The following SPAST variants were observed in gnomAD, a reference collection of about 807,000 sequenced individuals.
SPAST encodes the protein spastic paraplegia 4 (autosomal dominant; spastin).
In SPAST, 30 loss-of-function variants were observed where a neutral mutation model predicts 76.6. That is an observed-to-expected ratio of 0.39 (90% CI 0.29 to 0.53). The LOEUF (loss-of-function observed/expected upper bound fraction) is 0.53. Ranked by LOEUF, SPAST falls within the 20% of genes least tolerant of loss-of-function variation. The pLI is 0.68. For synonymous variants in SPAST, 305 were observed against 281.0 expected, an observed-to-expected ratio of 1.09 and a Z score of -0.86; for missense variants, 717 against 770.5, an observed-to-expected ratio of 0.93 and a Z score of 0.82.
intron 4 of SPAST, among the ~76,000 whole-genome samples, chr2:32,105,833 CAG>C (rs1263915837): frequency 2.6e-5 from 4 of 152,128 alleles, no homozygotes; most frequent in Non-Finnish European, 4.4e-5. Context: ...CTTCGTCTGA[CAG>C]GGGTACCCAG....
At chr2:32,124,401 A>G (rs930338095) in intron 7 of SPAST, among the ~76,000 whole-genome samples, 2 of 152,192 alleles carry the variant, frequency 1.3e-5, no homozygotes, top group African/African-American at 4.8e-5. Context: ...AGCAGCAGAA[A>G]CTTTAATTCA....
At chr2:32,131,784 T>G (rs984219245) in intron 9 of SPAST, among the ~76,000 whole-genome samples, 1 of 146,622 alleles carries the variant, frequency 6.8e-6, no homozygotes, top group Non-Finnish European at 1.5e-5. Flanking sequence ...TGCCTTAGCC[T>G]GCTGAGTAGC....
At chr2:32,096,310 C>T (rs1363462886) in intron 3 of SPAST, among the ~76,000 whole-genome samples, 1 of 152,118 alleles carries the variant, frequency 6.6e-6, no homozygotes, top group Non-Finnish European at 1.5e-5. Context: ...GGGCACCCAC[C>T]TGTAATCCCA....
Position 32,089,414 on chromosome 2 carries a change from T to G in SPAST, c.503-108T>G, listed in dbSNP as rs2148710475. Reference sequence around the variant, plus strand: ...TTTCTTCTTTTTTTTAAAAAAAAATTTCTGTATAAAGACTGTGACTCCCCA... The same window carrying G: ...TTTCTTCTTTTTTTTAAAAAAAAATGTCTGTATAAAGACTGTGACTCCCCA... On this transcript the variant is annotated intron_variant, in intron 2 of 16. Coordinates refer to ENST00000315285, the MANE Select transcript of SPAST (RefSeq NM_014946.4). 4.6e-6 allele frequency: 3 copies of G among 647,446 alleles called. No homozygotes were observed. The East Asian group carries it at 8.7e-5, about 19-fold the overall frequency. The allele number at this position is 647,446 out of a possible 1,614,324, so 40.1% of individuals were successfully genotyped here. A position where few individuals can be genotyped will look rare whatever the true frequency, so the allele number is the denominator to read the frequency against.
At position 32,063,571 on chromosome 2, in the gene SPAST, A is replaced by T. The variant is rs1676366815; in HGVS notation, c.-261A>T. Reference sequence around the variant, plus strand: ...GTGCGCGTGCGCGGCCGCCGCTGGGAGCCACCAGGCGGCGGAGAGGACAGC... The same window carrying T: ...GTGCGCGTGCGCGGCCGCCGCTGGGTGCCACCAGGCGGCGGAGAGGACAGC... On this transcript the variant is annotated 5_prime_UTR_variant, in exon 1 of 17. Coordinates refer to ENST00000315285, the MANE Select transcript of SPAST (RefSeq NM_014946.4). The T allele has an allele frequency of 2.0e-6, 1 of 504,278 alleles. No homozygotes were observed. The highest frequency in any genetic ancestry group is 2.1e-5 in the African/African-American group (1 of 48,398). 31.2% of individuals were successfully genotyped at this position (504,278 alleles called of 1,614,324 possible). A position where few individuals can be genotyped will look rare whatever the true frequency, so the allele number is the denominator to read the frequency against.
At position 32,115,068 on chromosome 2, in the gene SPAST, C is replaced by A. The variant is rs112156381; in HGVS notation, c.870+243C>A. On this transcript the variant is annotated intron_variant, in intron 5 of 16. Transcript: ENST00000315285. ...GGTTCAAGCGATTCTCCTGCCTCAG[C>A]CTCCCAAGTAGCTGGGATTACAGGC... Among the ~76,000 whole-genome samples, 446 of 151,574 alleles carry A rather than the reference C, an allele frequency of 2.9e-3. 4 individuals are homozygous for A. Among genetic ancestry groups the A allele is most frequent in the African/African-American group, 0.01 (422 of 41,344 alleles).
intron 5 of SPAST, among the ~76,000 whole-genome samples, 192 bp downstream of exon 5, chr2:32,115,017 C>T (rs534054701): frequency 3.8e-4 from 54 of 141,256 alleles, no homozygotes; most frequent in Non-Finnish European, 6.3e-4. Flanking sequence ...GGCGCGATCT[C>T]GGCTCATTGC....
intron 12 of SPAST, 46 bp from the exon 13 acceptor site, chr2:32,141,858 T>G (rs1301818587): frequency 2.0e-6 from 3 of 1,513,984 alleles, no homozygotes; most frequent in Non-Finnish European, 2.7e-6. Context: ...GTTTCAGCTT[T>G]AAATTCAAAA....
Position 32,115,811 on chromosome 2 carries a change from T to A in SPAST, c.980T>A (p.Leu327His). ...AATGTGGACAGCAACCTTGCTAACC[T>A]TATAATGAATGAAATTGTGGACAAG... ...FRNVDSNLAN[L>H]IMNEIVDNGT... The change falls in exon 6 of 17, where the codon CTT becomes CAT. Residue 327 changes from leucine (L) to histidine (H), a missense_variant. Physicochemically the swap from Leu to His is moderately conservative, Grantham distance 99. This residue lies in a region of SPAST where 543 missense variants were observed against 445.2 expected (regional missense o/e 1.22). Transcript: ENST00000315285. 6.2e-7 allele frequency: 1 copy of A among 1,609,952 alleles called. No individual in the cohort carries two copies. Among genetic ancestry groups the A allele is most frequent in the Non-Finnish European group, 8.5e-7 (1 of 1,177,452 alleles).
chr2:32,073,373 C>T (rs983012890), intron 1 of SPAST, among the ~76,000 whole-genome samples: 2 of 152,134 alleles, frequency 1.3e-5, no homozygotes, highest in African/African-American at 2.4e-5. Context: ...CTAACACTTC[C>T]TGCCTCTTTT....
At chr2:32,138,440 T>C (rs1679613767) in intron 12 of SPAST, among the ~76,000 whole-genome samples, 1 of 152,220 alleles carries the variant, frequency 6.6e-6, no homozygotes, top group Non-Finnish European at 1.5e-5. Context: ...TGGTTAGTGA[T>C]GATGAGCATT....
chr2:32,149,958 C>G (rs985941251), intron 16 of SPAST, among the ~76,000 whole-genome samples: 4 of 150,160 alleles, frequency 2.7e-5, no homozygotes, highest in Admixed American at 2.0e-4. Flanking sequence ...CAAGTGTATT[C>G]AAGTACATTT....
rs1677627215 is a variant in SPAST, at chr2:32,089,526, A to G, written c.507A>G (p.Glu169=). 4 of 1,570,766 alleles carry G rather than the reference A, an allele frequency of 2.5e-6. No homozygotes were observed. Among genetic ancestry groups the G allele is most frequent in the Non-Finnish European group, 2.6e-6 (3 of 1,140,780 alleles). The change falls in exon 3 of 17, where the codon GAA becomes GAG. Residue 169 remains glutamate (E), a synonymous_variant. Transcript: ENST00000315285. ...GIAVIVTGQG[E]QCERARRLQA... is the part of the protein sequence containing the mutation. ...TAATTAATTTTTTTCTTTCAGGTGA[A>G]CAGTGTGAAAGAGCTAGACGCCTTC... is the stretch of plus-strand genomic sequence containing the variant.
intron 4 of SPAST, among the ~76,000 whole-genome samples, chr2:32,110,095 GTTTTTTTTGTTTT>G (rs1387769659): frequency 3.4e-5 from 4 of 116,186 alleles, no homozygotes; most frequent in South Asian, 3.5e-4. Flanking sequence ...TACATATATA[GTTTTTTTTGTTTT>G]TTTTTTTTGT....
intron 3 of SPAST, among the ~76,000 whole-genome samples, chr2:32,092,958 G>A (rs971542488): frequency 2.4e-4 from 35 of 148,346 alleles, no homozygotes; most frequent in African/African-American, 7.7e-4. Flanking sequence ...ATTGAGCCAA[G>A]ATGGCACCAC....
chr2:32,102,381 TG>T (rs1218941017), intron 4 of SPAST, among the ~76,000 whole-genome samples: 1 of 152,194 alleles, frequency 6.6e-6, no homozygotes, highest in Non-Finnish European at 1.5e-5. Flanking sequence ...GCTGAGATGA[TG>T]GGGTTTTCTA....
intron 9 of SPAST, 143 bp from the exon 10 acceptor site, chr2:32,136,420 A>ACT (rs1288479438): frequency 4.4e-6 from 3 of 681,298 alleles, no homozygotes; most frequent in Non-Finnish European, 5.4e-6. Context: ...GGTTAGTAGT[A>ACT]CTCTCCCCTT....
chr2:32,143,274 AAAAAG>A (rs1679781067), intron 13 of SPAST, 57 bp from the exon 14 acceptor site: 1 of 1,051,772 alleles, frequency 9.5e-7, no homozygotes, highest in Non-Finnish European at 1.5e-6. Flanking sequence ...CTCAATATAA[AAAAAG>A]AAAAGAATCA....
At chr2:32,122,791 T>G (rs1679062618) in intron 7 of SPAST, among the ~76,000 whole-genome samples, 1 of 148,246 alleles carries the variant, frequency 6.7e-6, no homozygotes, top group South Asian at 2.1e-4. Context: ...AAAAAAAAAA[T>G]AGATGAATAT....
Sources: allele counts gnomAD v4.1 joint callset (sites outside exome capture counted in the v4.1 genomes callset), GRCh38; gene constraint gnomAD v4.1.1; regional missense constraint gnomAD v4.1.1; transcripts MANE v1.5; gene names NCBI Gene and HGNC (gene_info 2026-07-23, HGNC 2026-07-21).